Variants in ADCY9 observed in about 807,000 individuals in gnomAD.
ADCY9 encodes the protein adenylate cyclase type 9.
A neutral mutation model predicts 101.5 loss-of-function variants in ADCY9; 50 were observed. The ratio of observed to expected loss-of-function variants is 0.49; its 90% CI spans 0.39 to 0.62. The LOEUF (loss-of-function observed/expected upper bound fraction) is 0.62, where lower values mean the gene tolerates loss of function less well. Among genes scored for constraint, ADCY9 ranks in the 20% least tolerant of loss-of-function variants. ADCY9 has a pLI of 0.00. For missense variants in ADCY9, 1,662 were observed against 1,800.4 expected (o/e 0.92, Z 1.39); for synonymous variants, 905 against 769.3 (o/e 1.18, Z -2.92).
chr16:3,956,488 C>CTCTTTTTTTTTTT (rs2055906570), intron 5 of ADCY9, among the ~76,000 whole-genome samples: 1 of 68,762 alleles, frequency 1.5e-5, no homozygotes, highest in African/African-American at 6.6e-5. Context: ...GCGCAATGAG[C>CTCTTTTTTTTTTT]TTTTTTTTTT....
At chr16:4,073,799 A>G (rs1387721878) in intron 2 of ADCY9, among the ~76,000 whole-genome samples, 1 of 152,170 alleles carries the variant, frequency 6.6e-6, no homozygotes, top group African/African-American at 2.4e-5. Context: ...ATGTTAAAGG[A>G]AGTTTTTCAG....
rs916001629 is a variant in ADCY9, at chr16:3,993,285, G to A, written c.1989+121C>T. 6.0e-5 allele frequency: 90 copies of A among 1,491,134 alleles called. 1 individual carries two copies. The East Asian group carries it at 9.2e-4, about 15-fold the overall frequency. 92.4% of individuals were successfully genotyped at this position (1,491,134 alleles called of 1,614,324 possible). A position where few individuals can be genotyped will look rare whatever the true frequency, so the allele number is the denominator to read the frequency against. ...CAACACCCGGAGGACCCGCGGGTGC[G>A]GAGTGCTGTTACCCAAGAGGAGTTA... is the stretch of plus-strand genomic sequence containing the variant. On this transcript the variant is annotated intron_variant, in intron 4 of 10. Transcript: ENST00000294016.
chr16:4,044,813 C>T (rs1284417027), intron 2 of ADCY9, among the ~76,000 whole-genome samples: 2 of 152,158 alleles, frequency 1.3e-5, no homozygotes, highest in Non-Finnish European at 2.9e-5. Context: ...GAGGCCACAT[C>T]AGCACTCCAG....
At chr16:4,022,891 G>A (rs764007020) in intron 2 of ADCY9, among the ~76,000 whole-genome samples, 14 of 152,138 alleles carry the variant, frequency 9.2e-5, no homozygotes, top group African/African-American at 1.9e-4. Flanking sequence ...CCTGAAATCC[G>A]TTAAGAATGA....
chr16:4,029,179 G>A (rs1368169565), intron 2 of ADCY9, among the ~76,000 whole-genome samples: 1 of 152,008 alleles, frequency 6.6e-6, no homozygotes, highest in East Asian at 1.9e-4. Context: ...ACATAAATCT[G>A]AAAAGTGAAA....
intron 2 of ADCY9, among the ~76,000 whole-genome samples, chr16:4,112,122 C>T (rs538397437): frequency 4.6e-5 from 7 of 152,332 alleles, no homozygotes; most frequent in African/African-American, 1.7e-4. Flanking sequence ...GCTCACAACA[C>T]CTGGGCCCTA....
chr16:4,016,141 C>G (rs1173058854), intron 2 of ADCY9, among the ~76,000 whole-genome samples: 2 of 152,150 alleles, frequency 1.3e-5, no homozygotes, highest in East Asian at 3.8e-4. Context: ...CAGTGAGTGA[C>G]GATCTGGACC....
At chr16:4,005,741 T>C (rs1421425394) in intron 3 of ADCY9, among the ~76,000 whole-genome samples, 2 of 152,122 alleles carry the variant, frequency 1.3e-5, no homozygotes, top group African/African-American at 4.8e-5. Flanking sequence ...TGCGACCGCA[T>C]CCCCTAACGG....
At chr16:3,981,533 CACTG>C (rs1567421026) in intron 7 of ADCY9, among the ~76,000 whole-genome samples, 1 of 78,776 alleles carries the variant, frequency 1.3e-5, no homozygotes, top group African/African-American at 3.1e-5. Flanking sequence ...TGCTAAAAAT[CACTG>C]AGTTGTCCAC....
intron 2 of ADCY9, among the ~76,000 whole-genome samples, chr16:4,111,007 CACAGTGCCAGGTGCACAG>C (rs749911423): frequency 2.6e-5 from 4 of 152,236 alleles, no homozygotes; most frequent in Non-Finnish European, 4.4e-5. Flanking sequence ...GCTCCACATC[CACAGTGCCAGGTGCACAG>C]TCAGTGCCAG....
chr16:4,038,042 G>C (rs182481120), intron 2 of ADCY9, among the ~76,000 whole-genome samples: 6 of 152,348 alleles, frequency 3.9e-5, no homozygotes, highest in African/African-American at 1.4e-4. Flanking sequence ...GGGAGGCTGA[G>C]GTGGAAGAAT....
intron 2 of ADCY9, among the ~76,000 whole-genome samples, chr16:4,035,275 CCAGGTGCTAAGTAGATATAT>C (rs1377396605): frequency 5.4e-4 from 82 of 152,244 alleles, no homozygotes; most frequent in African/African-American, 1.9e-3. Context: ...CAGAATTCTG[CCAGGTGCTAAGTAGATATAT>C]ATTTACTTAT....
At chr16:4,111,820 A>T (rs1386810835) in intron 2 of ADCY9, among the ~76,000 whole-genome samples, 1 of 140,916 alleles carries the variant, frequency 7.1e-6, no homozygotes, top group Non-Finnish European at 1.5e-5. Context: ...TTTGAGGTTT[A>T]AAAAAAAAAA....
intron 6 of ADCY9, among the ~76,000 whole-genome samples, chr16:3,985,494 C>A (rs1431932907): frequency 6.6e-6 from 1 of 152,192 alleles, no homozygotes; most frequent in African/African-American, 2.4e-5. Context: ...CAGAGGCCCA[C>A]GCACGTCCCC....
At chr16:4,048,618 C>G (rs527289088) in intron 2 of ADCY9, among the ~76,000 whole-genome samples, 1 of 152,266 alleles carries the variant, frequency 6.6e-6, no homozygotes, top group East Asian at 1.9e-4. Flanking sequence ...ATAGGCCCCT[C>G]GGTGCACCTG....
intron 6 of ADCY9, 78 bp from the exon 7 acceptor site, chr16:3,983,518 C>G (rs570068452): frequency 3.2e-6 from 4 of 1,264,464 alleles, no homozygotes; most frequent in African/African-American, 2.9e-5. Flanking sequence ...GAGAAACAGG[C>G]AACACGTGCG....
rs1375948214 is a variant in ADCY9 at position 3,965,123 on chromosome 16, AG to A, written c.*651del. On this transcript the variant is annotated 3_prime_UTR_variant, in exon 11 of 11. Coordinates refer to ENST00000294016, the MANE Select transcript of ADCY9 (RefSeq NM_001116.4). ...GCCCCTAAACCCGCTCAGTGCAGGG[AG>A]CGCGGCTCACCCACAGCCCACGGGG... is the stretch of plus-strand genomic sequence containing the variant. The A allele has an allele frequency of 6.4e-6, 1 of 155,330 alleles. No individual in the cohort carries two copies. The highest frequency in any genetic ancestry group is 1.4e-5 in the Non-Finnish European group (1 of 70,032). 9.6% of individuals were successfully genotyped at this position (155,330 alleles called of 1,614,324 possible).
chr16:3,973,288 A>G (rs896125216), intron 10 of ADCY9, among the ~76,000 whole-genome samples: 6 of 151,964 alleles, frequency 3.9e-5, no homozygotes, highest in Admixed American at 6.6e-5. Context: ...GCTCACTGCA[A>G]CCTCCGCTTC....
In ADCY9 at chr16:4,115,204, G is replaced by C; in HGVS notation, c.239C>G (p.Pro80Arg). The change falls in exon 2 of 11, where the codon CCC becomes CGC. Residue 80 changes from proline to arginine, a missense_variant. Around this residue, in one of 5 missense-constraint regions of ADCY9, gnomAD observed 422 missense variants for 392.0 expected, o/e 1.08. Transcript: ENST00000294016. This position sits in a 1 kb window ranked among gnomAD's most constrained non-coding sequence, Gnocchi z 6.2. ...GCTGGAGGCCCTCTCGAACAGCTGG[G>C]GCAGCTTCTTCTGCCTGCGCAGCCG... The part of the protein sequence containing the change: ...GGRLRRQKKL[P>R]QLFERASSRW... 6.2e-7 allele frequency: 1 copy of C among 1,613,594 alleles called. No homozygotes were observed.
Sources: allele counts gnomAD v4.1 joint callset (sites outside exome capture counted in the v4.1 genomes callset), GRCh38; gene constraint gnomAD v4.1.1; regional missense constraint gnomAD v4.1.1; non-coding constraint Gnocchi (gnomAD v3.1); transcripts MANE v1.5; gene names NCBI Gene and HGNC (gene_info 2026-07-23, HGNC 2026-07-21).